Variants in UBN2 observed in about 807,000 individuals in gnomAD.
UBN2 encodes the protein ubinuclein 2.
In UBN2, 35 loss-of-function variants were observed where a neutral mutation model predicts 120.2. The observed-to-expected ratio is 0.29, with a 90% CI of 0.22 to 0.39. The LOEUF is 0.39. Among genes scored for constraint, UBN2 ranks in the 10% least tolerant of loss-of-function variants. The probability of loss-of-function intolerance (pLI) is 1.00; values close to 1 mark genes in which losing one functional copy is unlikely to be tolerated. For missense variants in UBN2, 1,693 were observed against 1,663.2 expected, an observed-to-expected ratio of 1.02 and a Z score of -0.31; for synonymous variants, 661 against 648.7, an observed-to-expected ratio of 1.02 and a Z score of -0.29.
At chr7:139,279,627 C>A (rs573835644) in intron 13 of UBN2, among the ~76,000 whole-genome samples, 38 of 152,266 alleles carry the variant, frequency 2.5e-4, no homozygotes, top group African/African-American at 9.1e-4. Flanking sequence ...TCTTTCATAG[C>A]ATAGGTGAGA....
intron 13 of UBN2, among the ~76,000 whole-genome samples, chr7:139,280,219 T>C (rs897684428): frequency 6.6e-5 from 10 of 152,098 alleles, no homozygotes; most frequent in African/African-American, 2.4e-4. Flanking sequence ...ATGAGTGAGA[T>C]TCAGTAGGAA....
rs1797309769 is a variant in UBN2, at chr7:139,272,512, A to ATGTG, written c.1715+75_1715+76insGTGT. ...ATGTACGTTATGTATGTATGTATGTATGTATGTATGTATGTATGTATGTAT... is the reference window on the plus strand; with the variant it reads ...ATGTACGTTATGTATGTATGTATGTATGTGTGTATGTATGTATGTATGTATGTAT... On this transcript the variant is annotated intron_variant, in intron 9 of 17. Coordinates refer to ENST00000473989, the MANE Select transcript of UBN2 (RefSeq NM_173569.4). 1.3e-5 allele frequency: 10 copies of ATGTG among 778,998 alleles called. No individual in the cohort carries two copies. In the South Asian group the frequency reaches 1.8e-4, roughly 14 times the overall value. The allele number at this position is 778,998 out of a possible 1,614,324, so 48.3% of individuals were successfully genotyped here.
chr7:139,320,442 CAGAG>C, the UBN2 span, among the ~76,000 whole-genome samples: 1 of 151,938 alleles, frequency 6.6e-6, no homozygotes, highest in Non-Finnish European at 1.5e-5. Flanking sequence ...GCCTGGGTGA[CAGAG>C]AGAGACTCTG....
At chr7:139,285,823 A>G (rs1467744726) in intron 15 of UBN2, among the ~76,000 whole-genome samples, 1 of 151,926 alleles carries the variant, frequency 6.6e-6, no homozygotes, top group Admixed American at 6.6e-5. Context: ...GCTCACTGCA[A>G]CCTCCGCTTC....
Position 139,231,592 on chromosome 7 carries a change from C to G in UBN2, c.108C>G (p.Pro36=), listed in dbSNP as rs1025163636. 1.4e-5 allele frequency: 19 copies of G among 1,389,860 alleles called. No individual in the cohort carries two copies. Among genetic ancestry groups the G allele is most frequent in the Middle Eastern group, 2.2e-4 (1 of 4,532 alleles). 86.1% of individuals were successfully genotyped at this position (1,389,860 alleles called of 1,614,324 possible). ...EREPEYPREP[P]RLEPQPYREP... ...AGCCCGAGTACCCCCGCGAGCCCCC[C>G]CGGCTGGAGCCGCAGCCGTACCGCG... Residue 36 remains proline, a synonymous_variant, in exon 1 of 18, where the codon CCC becomes CCG. Transcript: ENST00000473989.
chr7:139,286,949 C>T (rs1292530726), intron 15 of UBN2, among the ~76,000 whole-genome samples: 14 of 152,120 alleles, frequency 9.2e-5, no homozygotes. Flanking sequence ...AGAACAAATT[C>T]AGCTAACTGG....
chr7:139,294,038 T>G (rs1384551281), intron 17 of UBN2, 57 bp downstream of exon 17: 1 of 1,539,440 alleles, frequency 6.5e-7, no homozygotes, highest in Non-Finnish European at 8.9e-7. Context: ...TAGATATGGA[T>G]TATACTTTTC....
chr7:139,238,690 G>A (rs1389078580), intron 2 of UBN2, among the ~76,000 whole-genome samples: 2 of 152,158 alleles, frequency 1.3e-5, no homozygotes, highest in Admixed American at 1.3e-4. Context: ...CCAAAGAGCT[G>A]GGATTACAGG....
chr7:139,233,250 A>G (rs183147380), intron 1 of UBN2, among the ~76,000 whole-genome samples: 2 of 152,266 alleles, frequency 1.3e-5, no homozygotes, highest in African/African-American at 4.8e-5. Context: ...GGTCACTTCC[A>G]CCTAACATTT....
chr7:139,266,060 C>CT (rs374455779), intron 6 of UBN2, among the ~76,000 whole-genome samples: 2,055 of 141,162 alleles, frequency 0.015, 22 homozygotes, highest in Non-Finnish European at 0.023. Context: ...TTAGGAGATT[C>CT]TTTTTTTTTT....
chr7:139,321,701 C>T, the UBN2 span, among the ~76,000 whole-genome samples: 2 of 152,104 alleles, frequency 1.3e-5, no homozygotes, highest in African/African-American at 2.4e-5. Context: ...CTCTCCAGAA[C>T]GCACGAGAAA....
chr7:139,232,734 A>G (rs1038065583), intron 1 of UBN2, among the ~76,000 whole-genome samples: 4 of 152,166 alleles, frequency 2.6e-5, no homozygotes, highest in Non-Finnish European at 5.9e-5. Context: ...ATAGAAGGAT[A>G]TTGTATTCAG....
At chr7:139,255,469 G>T (rs1796732334) in intron 3 of UBN2, among the ~76,000 whole-genome samples, 1 of 152,156 alleles carries the variant, frequency 6.6e-6, no homozygotes, top group Non-Finnish European at 1.5e-5. Context: ...GAAAACTTCT[G>T]TTTTAATAAG....
the UBN2 span, among the ~76,000 whole-genome samples, chr7:139,313,849 A>T: frequency 3.5e-5 from 5 of 143,544 alleles, no homozygotes; most frequent in Admixed American, 3.5e-4. Context: ...CAATGACAGA[A>T]TTTTTTTTTT....
At chr7:139,271,868 A>G (rs1451826287) in intron 8 of UBN2, among the ~76,000 whole-genome samples, 1 of 152,228 alleles carries the variant, frequency 6.6e-6, no homozygotes, top group Non-Finnish European at 1.5e-5. Context: ...CTGAGAGAAC[A>G]GGATACCAAC....
intron 3 of UBN2, among the ~76,000 whole-genome samples, chr7:139,253,330 T>A (rs773748876): frequency 9.2e-5 from 14 of 152,136 alleles, no homozygotes; most frequent in Non-Finnish European, 1.8e-4. Context: ...GGTGCATTTA[T>A]ATGGGTAGGT....
At chr7:139,260,671 A>G (rs1796902025) in intron 5 of UBN2, among the ~76,000 whole-genome samples, 1 of 152,128 alleles carries the variant, frequency 6.6e-6, no homozygotes, top group African/African-American at 2.4e-5. Flanking sequence ...AAAACTTGGG[A>G]TTACAGTCAT....
At chr7:139,316,585 A>G in the UBN2 span, among the ~76,000 whole-genome samples, 1 of 152,218 alleles carries the variant, frequency 6.6e-6, no homozygotes, top group Admixed American at 6.5e-5. Context: ...CTCTACTACA[A>G]ATACAAAACT....
rs571876843 is a variant in UBN2, at chr7:139,272,368, G to A, written c.1643G>A (p.Ser548Asn). 2.7e-5 allele frequency: 43 copies of A among 1,613,786 alleles called. No homozygotes were observed. The highest frequency in any genetic ancestry group is 1.1e-4 in the East Asian group (5 of 44,878). ...EPLQKLKLAV[S>N]NVMPEQLFKY... Reference sequence around the variant, plus strand: ...CTGCAAAAACTGAAACTGGCTGTTAGCAATGTCATGCCTGAACAGCTATTT... The same window carrying A: ...CTGCAAAAACTGAAACTGGCTGTTAACAATGTCATGCCTGAACAGCTATTT... Residue 548 changes from serine (S) to asparagine (N), a missense_variant, in exon 9 of 18, where the codon AGC becomes AAC. Physicochemically the swap from Ser to Asn is conservative, Grantham distance 46. Transcript: ENST00000473989.
Sources: gnomAD v4.1 joint callset for allele counts (sites outside exome capture counted in the v4.1 genomes callset) on GRCh38, gnomAD v4.1.1 for gene constraint, MANE v1.5 for transcripts, NCBI Gene and HGNC (gene_info 2026-07-23, HGNC 2026-07-21) for gene names.